Variants in SLC41A1 observed in about 807,000 individuals in gnomAD.
The protein encoded by SLC41A1 is solute carrier family 41 (magnesium transporter), member 1.
SLC41A1 carries 20 observed loss-of-function variants against 47.3 expected under a neutral mutation model. The observed-to-expected ratio is 0.42, with a 90% confidence interval of 0.30 to 0.61. The LOEUF (loss-of-function observed/expected upper bound fraction) is 0.61, where lower values mean the gene tolerates loss of function less well. SLC41A1 is among the 20% of genes least tolerant of loss of function. The probability of loss-of-function intolerance (pLI) is 0.17; values close to 1 mark genes in which losing one functional copy is unlikely to be tolerated. For synonymous variants in SLC41A1, 282 were observed against 272.7 expected (o/e 1.03, Z -0.34); for missense variants, 504 against 674.1 (o/e 0.75, Z 2.79).
At chr1:205,806,895 T>G (rs1280422492) in intron 2 of SLC41A1, among the ~76,000 whole-genome samples, 1 of 152,110 alleles carries the variant, frequency 6.6e-6, no homozygotes, top group Non-Finnish European at 1.5e-5. Flanking sequence ...TTTTTGCATC[T>G]CGTTGGTGAA....
At chr1:205,807,650 CTTT>C (rs71152452) in intron 2 of SLC41A1, among the ~76,000 whole-genome samples, 1 of 98,510 alleles carries the variant, frequency 1.0e-5, no homozygotes, top group African/African-American at 3.7e-5. Flanking sequence ...CTCGTAGAGT[CTTT>C]TTTTTTTTTT....
intron 7 of SLC41A1, 128 bp downstream of exon 7, chr1:205,797,776 C>T: frequency 8.3e-7 from 1 of 1,205,586 alleles, no homozygotes; most frequent in Non-Finnish European, 1.2e-6. Context: ...AACAGAAGGA[C>T]ATGTGACTGA....
In SLC41A1 at chr1:205,810,103, G is replaced by A. The variant is rs11240569; in HGVS notation, c.339C>T (p.Thr113=). The A allele has an allele frequency of 0.29, 460,746 of 1,614,008 alleles. 70,562 individuals are homozygous for A. Among genetic ancestry groups the A allele is most frequent in the East Asian group, 0.55 (24,688 of 44,850 alleles). The change falls in exon 2 of 11, where the codon ACC becomes ACT. Residue 113 remains threonine, a synonymous_variant. Transcript: ENST00000367137. The surrounding 1 kb of genome is among the most constrained non-coding windows in gnomAD (Gnocchi z 5.5). ...LFPFLLAGFG[T]VAAGMVLDIV... The stretch of plus-strand genomic sequence containing the variant: ...TGTCCAACACCATGCCAGCAGCCAC[G>A]GTCCCAAAGCCTGCCAGGAGGAATG...
At position 205,810,309 on chromosome 1, in the gene SLC41A1, C is replaced by T. The variant is rs1459639476; in HGVS notation, c.133G>A (p.Ala45Thr). 7 of 1,614,198 alleles carry T rather than the reference C, an allele frequency of 4.3e-6. No individual in the cohort carries two copies. In the South Asian group the frequency reaches 7.7e-5, roughly 18 times the overall value. Residue 45 changes from alanine to threonine, a missense_variant, in exon 2 of 11, where the codon GCT becomes ACT. Ala to Thr is a moderately conservative substitution (Grantham distance 58). Around this residue, in one of 2 missense-constraint regions of SLC41A1, gnomAD observed 83 missense variants for 72.5 expected, o/e 1.15. Coordinates refer to ENST00000367137, the MANE Select transcript of SLC41A1 (RefSeq NM_173854.6). This position sits in a 1 kb window ranked among gnomAD's most constrained non-coding sequence, Gnocchi z 5.5. ...GTSEFLGPDG[A>T]GVEVVIESRA... ...GACTCAATCACCACCTCTACCCCAG[C>T]CCCATCAGGCCCCAGGAACTCTGAG...
Position 205,799,117 on chromosome 1 carries a change from G to GT in SLC41A1, c.553-17dup. The GT allele has an allele frequency of 6.2e-7, 1 of 1,611,502 alleles. No homozygotes were observed. The highest frequency in any genetic ancestry group is 8.5e-7 in the Non-Finnish European group (1 of 1,179,846). ...TGGCCTGCACCTGGGGACAGGAGTG[G>GT]TAACTCAGAAAGCCCTGAGAGCAGT... On this transcript the variant is annotated splice_polypyrimidine_tract_variant and intron_variant, in intron 4 of 10. Transcript: ENST00000367137.
At chr1:205,808,711 C>T (rs890744383) in intron 2 of SLC41A1, among the ~76,000 whole-genome samples, 1 of 152,218 alleles carries the variant, frequency 6.6e-6, no homozygotes, top group Admixed American at 6.5e-5. Flanking sequence ...GCTGGCTTCC[C>T]AACCTCCATG....
intron 10 of SLC41A1, among the ~76,000 whole-genome samples, chr1:205,792,297 A>G (rs1655644225): frequency 6.6e-6 from 1 of 152,172 alleles, no homozygotes; most frequent in Non-Finnish European, 1.5e-5. Context: ...TTTTCATTCC[A>G]TTCTTTTCCA....
chr1:205,792,047 C>T (rs1262210166), intron 10 of SLC41A1, among the ~76,000 whole-genome samples: 1 of 152,196 alleles, frequency 6.6e-6, no homozygotes. Flanking sequence ...GAAACTCAGC[C>T]CTCTTGCCTC....
rs1235287676 is a variant in SLC41A1 at position 205,797,822 on chromosome 1, A to G, written c.992+82T>C. On this transcript the variant is annotated intron_variant, in intron 7 of 10. Coordinates refer to ENST00000367137, the MANE Select transcript of SLC41A1 (RefSeq NM_173854.6). ...AACACATTTCTAGGGTCTGACCCCC[A>G]CCCCATCTCTCCAGGGTTTAAAAAG... is the stretch of plus-strand genomic sequence containing the variant. The G allele has an allele frequency of 2.5e-6, 4 of 1,570,494 alleles. No homozygotes were observed. The African/African-American group carries it at 4.1e-5, about 16-fold the overall frequency.
intron 2 of SLC41A1, among the ~76,000 whole-genome samples, chr1:205,803,632 CT>C (rs140199204): frequency 0.011 from 1,312 of 121,010 alleles, 16 homozygotes; most frequent in African/African-American, 0.035. Context: ...TAGTCAAATT[CT>C]TTTTTTTTTT....
intron 2 of SLC41A1, among the ~76,000 whole-genome samples, chr1:205,805,235 A>C (rs2102508711): frequency 6.6e-6 from 1 of 152,302 alleles, no homozygotes; most frequent in East Asian, 1.9e-4. Flanking sequence ...TGGGTCAGAG[A>C]AGCCAATTCC....
At chr1:205,808,658 A>AG (rs1183690847) in intron 2 of SLC41A1, among the ~76,000 whole-genome samples, 1 of 152,192 alleles carries the variant, frequency 6.6e-6, no homozygotes, top group African/African-American at 2.4e-5. Context: ...TCCCGGCCCT[A>AG]GGGGGAGGAG....
rs1655804962 is a variant in SLC41A1, at chr1:205,798,791, A to G, written c.722T>C (p.Ile241Thr). Residue 241 changes from isoleucine (I) to threonine (T), a missense_variant, in exon 6 of 11, where the codon ATT becomes ACT. Ile to Thr is a moderately conservative substitution (Grantham distance 89). Transcript: ENST00000367137. ...GTTGATCCCAATCTTGCGAGAGCCAATGATGACTCCAATCATGATCATACC... is the reference window on the plus strand; with the variant it reads ...GTTGATCCCAATCTTGCGAGAGCCAGTGATGACTCCAATCATGATCATACC... ...VLGMIMIGVIIGSRKIGINPD... is the reference protein window; with the variant it reads ...VLGMIMIGVITGSRKIGINPD... 3.1e-6 allele frequency: 5 copies of G among 1,614,126 alleles called. No homozygotes were observed. The highest frequency in any genetic ancestry group is 4.2e-6 in the Non-Finnish European group (5 of 1,180,034).
Position 205,798,710 on chromosome 1 carries a change from G to C in SLC41A1, c.803C>G (p.Ala268Gly). 1.2e-6 allele frequency: 2 copies of C among 1,614,176 alleles called. No individual in the cohort carries two copies. The highest frequency in any genetic ancestry group is 8.5e-7 in the Non-Finnish European group (1 of 1,180,044). The change falls in exon 6 of 11, where the codon GCG (alanine) becomes GGG (glycine). Residue 268 changes from alanine to glycine, a missense_variant. Transcript: ENST00000367137. ...TCCCCAGCTGATGCCTGAGAGCAGCGCCAAGGTGATGAGGTCGCCCAGGCT... is the reference window on the plus strand; with the variant it reads ...TCCCCAGCTGATGCCTGAGAGCAGCCCCAAGGTGATGAGGTCGCCCAGGCT... ...AASLGDLITLALLSGISWGLY... is the reference protein window; with the variant it reads ...AASLGDLITLGLLSGISWGLY...
intron 2 of SLC41A1, among the ~76,000 whole-genome samples, chr1:205,808,967 A>G (rs1014976749): frequency 1.6e-4 from 24 of 152,220 alleles, no homozygotes; most frequent in Admixed American, 1.6e-3. Context: ...GGCTTGGCAC[A>G]GGGAAGGTGA....
intron 10 of SLC41A1, among the ~76,000 whole-genome samples, chr1:205,794,253 A>C (rs1410289267): frequency 6.6e-6 from 1 of 152,238 alleles, no homozygotes; most frequent in African/African-American, 2.4e-5. Flanking sequence ...GTTATGCAAA[A>C]TGTTATTTTC....
chr1:205,799,914 A>T, intron 3 of SLC41A1, 84 bp from the exon 4 acceptor site: 1 of 1,196,130 alleles, frequency 8.4e-7, no homozygotes. Flanking sequence ...CTAGATCATG[A>T]GGCAGTACAT....
At chr1:205,808,363 C>T (rs1054183590) in intron 2 of SLC41A1, among the ~76,000 whole-genome samples, 4 of 152,138 alleles carry the variant, frequency 2.6e-5, no homozygotes, top group African/African-American at 7.2e-5. Flanking sequence ...TTACCTAATC[C>T]CTCTAAGCTA....
rs761859034 is a variant in SLC41A1, at chr1:205,799,067, A to G, written c.587T>C (p.Ile196Thr). The G allele has an allele frequency of 9.3e-6, 15 of 1,612,752 alleles. No homozygotes were observed. Among genetic ancestry groups the G allele is most frequent in the Non-Finnish European group, 1.3e-5 (15 of 1,179,920 alleles). The stretch of plus-strand genomic sequence containing the variant: ...GATCCAGCCAAAGACGACGGCTGCG[A>G]TGGACGCCAGGAAGCCCACCACCGT... ...QATVVGFLAS[I>T]AAVVFGWIPD... The change falls in exon 5 of 11, where the codon ATC becomes ACC. Residue 196 changes from isoleucine (I) to threonine (T), a missense_variant. Physicochemically the swap from Ile to Thr is moderately conservative, Grantham distance 89. Around this residue, in one of 2 missense-constraint regions of SLC41A1, gnomAD observed 421 missense variants for 601.6 expected, o/e 0.70. Coordinates refer to ENST00000367137, the MANE Select transcript of SLC41A1 (RefSeq NM_173854.6).
Sources: allele counts gnomAD v4.1 joint callset (sites outside exome capture counted in the v4.1 genomes callset), GRCh38; gene constraint gnomAD v4.1.1; regional missense constraint gnomAD v4.1.1; non-coding constraint Gnocchi (gnomAD v3.1); transcripts MANE v1.5; gene names NCBI Gene and HGNC (gene_info 2026-07-23, HGNC 2026-07-21).